SND1: variants seen among roughly 807,000 people sequenced by gnomAD.
SND1 encodes staphylococcal nuclease and tudor domain containing 1, also known as staphylococcal nuclease domain-containing protein 1.
SND1 carries 38 observed loss-of-function variants against 121.7 expected under a neutral mutation model. That is an observed-to-expected ratio of 0.31 (90% confidence interval 0.24 to 0.41). The LOEUF (loss-of-function observed/expected upper bound fraction) is 0.41. Ranked by LOEUF, SND1 falls within the 10% of genes least tolerant of loss-of-function variation. The pLI, the probability that SND1 is intolerant of heterozygous loss-of-function variation, is 1.00. For synonymous variants in SND1, 401 were observed against 447.4 expected (o/e 0.90, Z 1.31); for missense variants, 868 against 1,184.6 (o/e 0.73, Z 3.92).
chr7:127,894,612 TA>T (rs1800081196), intron 13 of SND1, among the ~76,000 whole-genome samples: 3 of 152,182 alleles, frequency 2.0e-5, no homozygotes, highest in African/African-American at 7.2e-5. Flanking sequence ...ATTTCATTTC[TA>T]TACCAGTCTG....
intron 2 of SND1, among the ~76,000 whole-genome samples, chr7:127,691,136 A>G (rs576571782): frequency 6.6e-6 from 1 of 152,332 alleles, no homozygotes; most frequent in South Asian, 2.1e-4. Context: ...TTCATGAGAA[A>G]TATAGAAATG....
chr7:127,868,021 T>C (rs970899725), intron 12 of SND1, among the ~76,000 whole-genome samples: 21 of 152,214 alleles, frequency 1.4e-4, no homozygotes, highest in African/African-American at 5.1e-4. Flanking sequence ...AAAGTTTTGC[T>C]GTAGGTACTC....
intron 10 of SND1, among the ~76,000 whole-genome samples, chr7:127,755,583 G>C (rs1417583071): frequency 6.6e-6 from 1 of 152,204 alleles, no homozygotes. Flanking sequence ...TGGCATTTGG[G>C]AGTGAAATTT....
At chr7:128,046,856 CAATAGA>C (rs1715996846) in intron 16 of SND1, among the ~76,000 whole-genome samples, 1 of 152,174 alleles carries the variant, frequency 6.6e-6, no homozygotes, top group Non-Finnish European at 1.5e-5. Flanking sequence ...TATTCATCAC[CAATAGA>C]AATAAAGAAT....
At chr7:127,811,623 A>G (rs1353789578) in intron 11 of SND1, among the ~76,000 whole-genome samples, 1 of 152,108 alleles carries the variant, frequency 6.6e-6, no homozygotes, top group Non-Finnish European at 1.5e-5. Context: ...TGGTTTTGCC[A>G]CAAGAATCAG....
chr7:127,675,318 A>G (rs1003458333), intron 1 of SND1, among the ~76,000 whole-genome samples: 1 of 152,170 alleles, frequency 6.6e-6, no homozygotes, highest in African/African-American at 2.4e-5. Context: ...AGAATGTTAT[A>G]TTTATGAGTT....
chr7:127,977,738 A>G (rs1214692062), intron 15 of SND1, among the ~76,000 whole-genome samples: 1 of 152,228 alleles, frequency 6.6e-6, no homozygotes, highest in Non-Finnish European at 1.5e-5. Flanking sequence ...CTTGGCCACA[A>G]GTGACAAGAG....
At chr7:127,828,513 T>A (rs1423297711) in intron 11 of SND1, among the ~76,000 whole-genome samples, 2 of 152,270 alleles carry the variant, frequency 1.3e-5, no homozygotes, top group South Asian at 2.1e-4. Context: ...TTGAGGATTT[T>A]CTAGTGTTTG....
rs192514925 is a variant in SND1 at position 127,940,580 on chromosome 7, G to A, written c.1669+11251G>A. 4.6e-5 allele frequency among the ~76,000 whole-genome samples: 7 copies of A among 152,298 alleles called. No individual in the cohort carries two copies. In the East Asian group the frequency reaches 1.3e-3, roughly 29 times the overall value. ...TGTAAGACTTAATCCTGGTTGCTAT[G>A]GAAACTACCTCACAAATCTCCCACC... On this transcript the variant is annotated intron_variant, in intron 15 of 23. Transcript: ENST00000354725.
chr7:127,783,043 T>A (rs545628733), intron 10 of SND1, among the ~76,000 whole-genome samples: 2 of 152,382 alleles, frequency 1.3e-5, no homozygotes, highest in East Asian at 3.9e-4. Context: ...GGTAAGATTC[T>A]GCACATTGGA....
At chr7:127,695,501 C>A (rs1795990511) in intron 3 of SND1, among the ~76,000 whole-genome samples, 1 of 152,062 alleles carries the variant, frequency 6.6e-6, no homozygotes, top group Non-Finnish European at 1.5e-5. Flanking sequence ...TCTGTAAGCC[C>A]TAGTTTCTTC....
chr7:128,019,563 C>G (rs1269029871), intron 16 of SND1, among the ~76,000 whole-genome samples: 1 of 152,162 alleles, frequency 6.6e-6, no homozygotes, highest in Non-Finnish European at 1.5e-5. Flanking sequence ...TCTTTATTTT[C>G]TCTGCATTCC....
At chr7:127,887,124 G>C (rs1799924435) in intron 12 of SND1, among the ~76,000 whole-genome samples, 2 of 151,842 alleles carry the variant, frequency 1.3e-5, no homozygotes, top group African/African-American at 4.8e-5. Context: ...ATTCCAAGTA[G>C]CTGGAACTAC....
chr7:127,728,880 C>A (rs771596537), intron 10 of SND1, among the ~76,000 whole-genome samples: 1 of 152,174 alleles, frequency 6.6e-6, no homozygotes, highest in Non-Finnish European at 1.5e-5. Context: ...GTGCTGGTAT[C>A]TAACTATCTC....
chr7:128,078,836 C>G (rs73238099), intron 17 of SND1, among the ~76,000 whole-genome samples: 12,511 of 152,268 alleles, frequency 0.082, 607 homozygotes, highest in South Asian at 0.16. Flanking sequence ...GGGCCATGGC[C>G]CACTCAGGAA....
intron 16 of SND1, among the ~76,000 whole-genome samples, chr7:128,054,452 G>A (rs1162306383): frequency 6.6e-6 from 1 of 152,186 alleles, no homozygotes; most frequent in Non-Finnish European, 1.5e-5. Flanking sequence ...AGGGAGGCAC[G>A]AGCACCTAGC....
In SND1 at chr7:128,074,444, C is replaced by T. The variant is rs1307922042; in HGVS notation, c.1780-58C>T. ...GGCGCTGCTGTCCTCCCCACGGGCA[C>T]AGCCCCTGCACACTCAGGCCTGGCC... On this transcript the variant is annotated intron_variant, in intron 16 of 23. Transcript: ENST00000354725. 10 of 1,524,896 alleles carry T rather than the reference C, an allele frequency of 6.6e-6. No individual in the cohort carries two copies. In the Middle Eastern group the frequency reaches 6.3e-4, roughly 96 times the overall value. The allele number at this position is 1,524,896 out of a possible 1,614,324, so 94.5% of individuals were successfully genotyped here.
At chr7:127,786,496 T>G (rs1472046838) in intron 10 of SND1, among the ~76,000 whole-genome samples, 1 of 152,208 alleles carries the variant, frequency 6.6e-6, no homozygotes, top group Non-Finnish European at 1.5e-5. Flanking sequence ...GATCAGGATT[T>G]GGGGTAACAG....
rs1798244614 is a variant in SND1, at chr7:127,806,697, T to C, written c.1153-787T>C. Among the ~76,000 whole-genome samples the C allele has an allele frequency of 1.3e-5, 2 of 152,238 alleles. 1 individual carries two copies. Among genetic ancestry groups the C allele is most frequent in the South Asian group, 4.1e-4 (2 of 4,834 alleles). On this transcript the variant is annotated intron_variant, in intron 10 of 23. Coordinates refer to ENST00000354725, the MANE Select transcript of SND1 (RefSeq NM_014390.4). Reference sequence around the variant, plus strand: ...TTGTCCAGGTGTGATGGCTCAGGCCTGTAATCCCAGCACTTTGGGTGGGAG... The same window carrying C: ...TTGTCCAGGTGTGATGGCTCAGGCCCGTAATCCCAGCACTTTGGGTGGGAG...
Sources: allele counts gnomAD v4.1 joint callset (sites outside exome capture counted in the v4.1 genomes callset), GRCh38; gene constraint gnomAD v4.1.1; transcripts MANE v1.5; gene names NCBI Gene and HGNC (gene_info 2026-07-23, HGNC 2026-07-21).